The following IGSF10 variants were observed in gnomAD, a reference collection of about 807,000 sequenced individuals.
The protein encoded by IGSF10 is calvaria mechanical force protein 608.
In IGSF10, 126 loss-of-function variants were observed where a neutral mutation model predicts 128.2. The ratio of observed to expected loss-of-function variants is 0.98; its 90% CI spans 0.85 to 1.14. IGSF10 has a LOEUF of 1.14. Ranked by LOEUF, IGSF10 falls within the 50% of genes most tolerant of loss-of-function variation. The probability of loss-of-function intolerance (pLI) is 0.00; values close to 1 mark genes in which losing one functional copy is unlikely to be tolerated. For missense variants in IGSF10, 3,295 were observed against 3,149.8 expected (o/e 1.05, Z -1.10); for synonymous variants, 1,185 against 1,146.2 (o/e 1.03, Z -0.68).
At chr3:151,574,179 C>G in the IGSF10 span, among the ~76,000 whole-genome samples, 1 of 152,102 alleles carries the variant, frequency 6.6e-6, no homozygotes, top group Non-Finnish European at 1.5e-5. Flanking sequence ...CTTGTTGCAC[C>G]TGACAATTAT....
the IGSF10 span, among the ~76,000 whole-genome samples, chr3:151,472,524 T>A: frequency 6.6e-6 from 1 of 152,062 alleles, no homozygotes; most frequent in Non-Finnish European, 1.5e-5. Flanking sequence ...AGAACAAACG[T>A]CATATTAAAA....
At chr3:151,516,405 G>A in the IGSF10 span, among the ~76,000 whole-genome samples, 1 of 152,076 alleles carries the variant, frequency 6.6e-6, no homozygotes, top group African/African-American at 2.4e-5. Flanking sequence ...TGAAAAGGGA[G>A]TCTGTTGTGT....
At chr3:151,538,779 T>C in the IGSF10 span, among the ~76,000 whole-genome samples, 68 of 152,248 alleles carry the variant, frequency 4.5e-4, 1 homozygote, top group African/African-American at 1.5e-3. Context: ...CAATGTTGAG[T>C]TGAATTTACA....
At chr3:151,439,156 A>C (rs1252112585) in intron 7 of IGSF10, among the ~76,000 whole-genome samples, 1 of 152,240 alleles carries the variant, frequency 6.6e-6, no homozygotes, top group Non-Finnish European at 1.5e-5. Context: ...TCTAGACACC[A>C]TGACTTCCTT....
At chr3:151,551,736 A>T in the IGSF10 span, among the ~76,000 whole-genome samples, 1 of 151,860 alleles carries the variant, frequency 6.6e-6, no homozygotes, top group Non-Finnish European at 1.5e-5. Flanking sequence ...TCAATTTTTC[A>T]TTAAAATATT....
chr3:151,544,139 C>A, the IGSF10 span, among the ~76,000 whole-genome samples: 1 of 152,152 alleles, frequency 6.6e-6, no homozygotes, highest in Non-Finnish European at 1.5e-5. Context: ...GAACTCCTGA[C>A]CTCAAGTGAT....
the IGSF10 span, among the ~76,000 whole-genome samples, chr3:151,539,588 G>C: frequency 2.6e-5 from 4 of 152,004 alleles, 1 homozygote; most frequent in Non-Finnish European, 5.9e-5. Flanking sequence ...TTAAGAAATG[G>C]AGATGCAGAA....
At chr3:151,573,828 G>A in the IGSF10 span, among the ~76,000 whole-genome samples, 1 of 152,186 alleles carries the variant, frequency 6.6e-6, no homozygotes, top group Admixed American at 6.5e-5. Flanking sequence ...TAGCATCGAT[G>A]GTCTTTACAA....
chr3:151,598,022 G>C, the IGSF10 span, among the ~76,000 whole-genome samples: 1 of 151,882 alleles, frequency 6.6e-6, no homozygotes, highest in Non-Finnish European at 1.5e-5. Context: ...GGAACCCATG[G>C]AGAGAGCAAT....
At chr3:151,517,366 G>A in the IGSF10 span, among the ~76,000 whole-genome samples, 5 of 151,902 alleles carry the variant, frequency 3.3e-5, no homozygotes, top group Admixed American at 3.3e-4. Flanking sequence ...TTGATTTTAG[G>A]TCGTTTGGTT....
the IGSF10 span, among the ~76,000 whole-genome samples, chr3:151,486,657 C>T: frequency 6.6e-6 from 1 of 152,198 alleles, no homozygotes; most frequent in East Asian, 1.9e-4. Context: ...GATTAAGAAA[C>T]TCACTCAAAA....
At chr3:151,477,143 T>A in the IGSF10 span, among the ~76,000 whole-genome samples, 1 of 150,484 alleles carries the variant, frequency 6.6e-6, no homozygotes, top group East Asian at 1.9e-4. Context: ...GCTTTACAAA[T>A]TTTTTTTAAA....
Position 151,457,023 on chromosome 3 carries a change from C to T in IGSF10, c.324+3G>A. 1 of 1,614,140 alleles carries T rather than the reference C, an allele frequency of 6.2e-7. No individual in the cohort carries two copies. Among genetic ancestry groups the T allele is most frequent in the Non-Finnish European group, 8.5e-7 (1 of 1,180,010 alleles). On this transcript the variant is annotated splice_donor_region_variant and intron_variant, in intron 4 of 7. Transcript: ENST00000282466. Reference sequence around the variant, plus strand: ...ACCTGCCCCCTCTCTCCATCAGTCTCACCTGCAAGGCCTGCAAATCTGAGA... The same window carrying T: ...ACCTGCCCCCTCTCTCCATCAGTCTTACCTGCAAGGCCTGCAAATCTGAGA...
At chr3:151,522,389 G>A in the IGSF10 span, among the ~76,000 whole-genome samples, 1 of 151,862 alleles carries the variant, frequency 6.6e-6, no homozygotes, top group Non-Finnish European at 1.5e-5. Context: ...AGACACAACT[G>A]AAAAATAAAA....
At chr3:151,484,780 C>T in the IGSF10 span, among the ~76,000 whole-genome samples, 3 of 150,546 alleles carry the variant, frequency 2.0e-5, no homozygotes, top group African/African-American at 2.4e-5. Context: ...GACGTCTACT[C>T]GGAGACCACA....
chr3:151,443,682 G>C lies in IGSF10; in HGVS notation c.5265C>G (p.Ile1755Met). 6.2e-7 allele frequency: 1 copy of C among 1,614,168 alleles called. No individual in the cohort carries two copies. Among genetic ancestry groups the C allele is most frequent in the Non-Finnish European group, 8.5e-7 (1 of 1,180,030 alleles). ...CCACAGTGCTTCCGGAATGAACTGT[G>C]ATCTCTTTGGTACGTCTCTCCAGGA... is the stretch of plus-strand genomic sequence containing the variant. ...PRILERRTKE[I>M]TVHSGSTVEL... Residue 1755 changes from isoleucine to methionine, a missense_variant, in exon 7 of 8, where the codon ATC (isoleucine) becomes ATG (methionine). Physicochemically the swap from Ile to Met is conservative, Grantham distance 10 (BLOSUM62 1). Transcript: ENST00000282466.
the IGSF10 span, among the ~76,000 whole-genome samples, chr3:151,574,543 C>A: frequency 6.6e-6 from 1 of 152,170 alleles, no homozygotes; most frequent in African/African-American, 2.4e-5. Flanking sequence ...TCACATAGTT[C>A]TCATGCCATG....
In IGSF10 at chr3:151,443,039, T is replaced by C; in HGVS notation, c.5908A>G (p.Lys1970Glu). 2 of 1,614,232 alleles carry C rather than the reference T, an allele frequency of 1.2e-6. No homozygotes were observed. The highest frequency in any genetic ancestry group is 1.7e-6 in the Non-Finnish European group (2 of 1,180,040). The change falls in exon 7 of 8, where the codon AAA becomes GAA. Residue 1970 changes from lysine to glutamate, a missense_variant. Lys to Glu is a moderately conservative substitution (Grantham distance 56). Transcript: ENST00000282466. Reference protein sequence around the residue: ...LLNCSATGEPKPQIMWRLPSK... With the variant: ...LLNCSATGEPEPQIMWRLPSK... ...GGTAACCTCCACATTATTTGGGGTT[T>C]GGGCTCCCCAGTGGCTGAGCAGTTC...
chr3:151,590,502 G>A, the IGSF10 span, among the ~76,000 whole-genome samples: 2 of 152,138 alleles, frequency 1.3e-5, no homozygotes, highest in African/African-American at 4.8e-5. Context: ...ATCTGTTAAA[G>A]ATAACATTTA....
Sources: allele counts gnomAD v4.1 joint callset (sites outside exome capture counted in the v4.1 genomes callset), GRCh38; gene constraint gnomAD v4.1.1; transcripts MANE v1.5; gene names NCBI Gene and HGNC (gene_info 2026-07-23, HGNC 2026-07-21).